ANKIB1: variants seen among roughly 807,000 people sequenced by gnomAD.
ANKIB1 encodes ankyrin repeat and IBR domain-containing protein 1.
Under a neutral mutation model 122.1 loss-of-function variants are expected in ANKIB1, and 43 were observed. The ratio of observed to expected loss-of-function variants is 0.35; its 90% CI spans 0.28 to 0.45. The LOEUF (loss-of-function observed/expected upper bound fraction) is 0.45. Ranked by LOEUF, ANKIB1 falls within the 20% of genes least tolerant of loss-of-function variation. The probability of loss-of-function intolerance (pLI) is 1.00; values close to 1 mark genes in which losing one functional copy is unlikely to be tolerated. For synonymous variants in ANKIB1, 390 were observed against 442.0 expected, an observed-to-expected ratio of 0.88 and a Z score of 1.48; for missense variants, 992 against 1,329.5, an observed-to-expected ratio of 0.75 and a Z score of 3.95.
intron 4 of ANKIB1, among the ~76,000 whole-genome samples, chr7:92,321,878 G>A (rs1802919808): frequency 6.6e-6 from 1 of 152,182 alleles, no homozygotes; most frequent in South Asian, 2.1e-4. Context: ...TAGAAAGACA[G>A]AAGGCCTATG....
At chr7:92,277,936 T>C (rs1456917047) in intron 1 of ANKIB1, among the ~76,000 whole-genome samples, 2 of 152,022 alleles carry the variant, frequency 1.3e-5, no homozygotes, top group African/African-American at 4.8e-5. Context: ...ATACAAAAAT[T>C]AGCCCAGCGT....
chr7:92,259,376 C>T lies in ANKIB1; in HGVS notation c.-91+12857C>T, dbSNP rs564473537. Among the ~76,000 whole-genome samples the T allele has an allele frequency of 3.3e-5, 5 of 152,238 alleles. No individual in the cohort carries two copies. The East Asian group carries it at 5.8e-4, about 18-fold the overall frequency. On this transcript the variant is annotated intron_variant, in intron 1 of 19. Transcript: ENST00000265742. ...CCACCTTCCTTATCAATACTCTTTA[C>T]TTCTTGTTGTAGTTTCTGTATACTT...
intron 2 of ANKIB1, among the ~76,000 whole-genome samples, chr7:92,302,748 ATT>A (rs1312456757): frequency 1.3e-5 from 2 of 152,162 alleles, no homozygotes; most frequent in Non-Finnish European, 2.9e-5. Context: ...CCAGTTATTG[ATT>A]TCTGTTTTTT....
At chr7:92,375,411 G>A (rs1436815229) in intron 11 of ANKIB1, among the ~76,000 whole-genome samples, 2 of 152,192 alleles carry the variant, frequency 1.3e-5, no homozygotes. Context: ...AGCTGTTTAT[G>A]TAATATTCTA....
chr7:92,352,423 G>T (rs1469657417), intron 8 of ANKIB1, 53 bp from the exon 9 acceptor site: 16 of 1,564,450 alleles, frequency 1.0e-5, no homozygotes, highest in Non-Finnish European at 1.2e-5. Context: ...CTCTGTATTA[G>T]AATTTAGCAT....
Position 92,292,173 on chromosome 7 carries a change from G to A in ANKIB1, c.-90-2716G>A, listed in dbSNP as rs1802263777. Reference sequence around the variant, plus strand: ...ATACATGTGGCAAATTTCTAGGCAAGGTTTGTGAAGATAAATCTGAGGGGA... The same window carrying A: ...ATACATGTGGCAAATTTCTAGGCAAAGTTTGTGAAGATAAATCTGAGGGGA... On this transcript the variant is annotated intron_variant, in intron 1 of 19. Transcript: ENST00000265742. 2.0e-5 allele frequency among the ~76,000 whole-genome samples: 3 copies of A among 152,174 alleles called. No individual in the cohort carries two copies. The South Asian group carries it at 6.2e-4, about 32-fold the overall frequency.
chr7:92,395,186 G>T (rs1346634720), intron 17 of ANKIB1, among the ~76,000 whole-genome samples: 1 of 152,096 alleles, frequency 6.6e-6, no homozygotes, highest in Non-Finnish European at 1.5e-5. Context: ...ATGGTCCCAG[G>T]TTGTACCCTC....
chr7:92,323,303 C>A (rs935854718), intron 4 of ANKIB1, among the ~76,000 whole-genome samples: 1 of 152,060 alleles, frequency 6.6e-6, no homozygotes, highest in Non-Finnish European at 1.5e-5. Flanking sequence ...ATTATTTACC[C>A]AGTTTGGACA....
intron 17 of ANKIB1, among the ~76,000 whole-genome samples, chr7:92,394,699 C>T (rs144036711): frequency 5.1e-4 from 78 of 152,192 alleles, no homozygotes; most frequent in African/African-American, 1.5e-3. Flanking sequence ...TGAGCCTTGA[C>T]GACACTTAAG....
At chr7:92,335,638 A>G (rs908033602) in intron 5 of ANKIB1, among the ~76,000 whole-genome samples, 1 of 151,334 alleles carries the variant, frequency 6.6e-6, no homozygotes, top group Non-Finnish European at 1.5e-5. Context: ...TTTTTTTACT[A>G]TTTTTTCTTT....
intron 5 of ANKIB1, among the ~76,000 whole-genome samples, chr7:92,333,849 T>C (rs1283108798): frequency 6.6e-6 from 1 of 152,114 alleles, no homozygotes; most frequent in East Asian, 1.9e-4. Flanking sequence ...TTAGTTGTTT[T>C]TACTTTTATT....
At chr7:92,382,970 T>C (rs150264811) in intron 11 of ANKIB1, among the ~76,000 whole-genome samples, 5,213 of 151,956 alleles carry the variant, frequency 0.034, 263 homozygotes, top group African/African-American at 0.11. Context: ...TTTGAAAAGA[T>C]CAACAAAATT....
chr7:92,330,166 A>G (rs1369194626), intron 5 of ANKIB1, among the ~76,000 whole-genome samples: 1 of 152,164 alleles, frequency 6.6e-6, no homozygotes, highest in Non-Finnish European at 1.5e-5. Flanking sequence ...GGACCCATAT[A>G]ATGGGTCTAT....
intron 1 of ANKIB1, among the ~76,000 whole-genome samples, chr7:92,288,575 A>G (rs990867572): frequency 2.0e-5 from 3 of 152,220 alleles, no homozygotes; most frequent in Non-Finnish European, 2.9e-5. Context: ...TCTATATGCA[A>G]AACACCTTAT....
intron 1 of ANKIB1, among the ~76,000 whole-genome samples, chr7:92,278,658 T>G (rs1801953164): frequency 6.6e-6 from 1 of 152,256 alleles, no homozygotes; most frequent in Admixed American, 6.5e-5. Context: ...TTATATAATT[T>G]GACCAGAAAG....
At chr7:92,312,327 A>G (rs912722079) in intron 3 of ANKIB1, among the ~76,000 whole-genome samples, 3 of 152,230 alleles carry the variant, frequency 2.0e-5, no homozygotes, top group Non-Finnish European at 2.9e-5. Flanking sequence ...ACAATTAGAA[A>G]TGCTTATATG....
intron 1 of ANKIB1, among the ~76,000 whole-genome samples, chr7:92,277,850 G>A (rs563545187): frequency 2.6e-5 from 4 of 152,212 alleles, no homozygotes; most frequent in East Asian, 1.9e-4. Flanking sequence ...TTGGGAGGCC[G>A]AGACAGGTGG....
chr7:92,329,980 C>T (rs1290740054), intron 5 of ANKIB1, among the ~76,000 whole-genome samples: 1 of 152,152 alleles, frequency 6.6e-6, no homozygotes, highest in Non-Finnish European at 1.5e-5. Flanking sequence ...GCTGAAAACC[C>T]TTCAGTGGCT....
At chr7:92,345,184 A>G (rs1029965241) in intron 7 of ANKIB1, 118 bp downstream of exon 7, 1 of 682,720 alleles carries the variant, frequency 1.5e-6, no homozygotes, top group African/African-American at 1.8e-5. Context: ...TCTGAGTTAC[A>G]CAGAAATGAA....
Sources: gnomAD v4.1 joint callset for allele counts (sites outside exome capture counted in the v4.1 genomes callset) on GRCh38, gnomAD v4.1.1 for gene constraint, MANE v1.5 for transcripts, NCBI Gene and HGNC (gene_info 2026-07-23, HGNC 2026-07-21) for gene names.